MGAT2: variants seen among roughly 807,000 people sequenced by gnomAD.
MGAT2 encodes Beta-1,2-N-acetylglucosaminyltransferase II.
In MGAT2, 17 loss-of-function variants were observed where a neutral mutation model predicts 33.8. The ratio of observed to expected loss-of-function variants is 0.50; its 90% CI spans 0.34 to 0.76. The LOEUF is 0.76. MGAT2 is among the 30% of genes least tolerant of loss of function. The pLI, the probability that MGAT2 is intolerant of heterozygous loss-of-function variation, is 0.01. For missense variants in MGAT2, 529 were observed against 553.9 expected (o/e 0.96, Z 0.45); for synonymous variants, 248 against 226.7 (o/e 1.09, Z -0.84).
chr14:49,622,847 A>C lies in MGAT2; in HGVS notation c.*235A>C. 2.8e-6 allele frequency: 1 copy of C among 357,246 alleles called. No homozygotes were observed. The allele number at this position is 357,246 out of a possible 1,614,324, so 22.1% of individuals were successfully genotyped here. ...CTCAATCTGTTATCTGCTAAAATTG[A>C]TTATTGTTGATATGAGAGAAGAGGG... On this transcript the variant is annotated 3_prime_UTR_variant, in exon 1 of 1. Transcript: ENST00000305386.
In MGAT2 at chr14:49,621,384, C is replaced by T. The variant is rs989340728; in HGVS notation, c.116C>T (p.Pro39Leu). The change falls in exon 1 of 1, where the codon CCA becomes CTA. Residue 39 changes from proline to leucine, a missense_variant. Coordinates refer to ENST00000305386, the MANE Select transcript of MGAT2 (RefSeq NM_002408.4). The surrounding 1 kb of genome is among the most constrained non-coding windows in gnomAD (Gnocchi z 4.6). ...CAAAGGAAGAACGAGGCCCTCGCCC[C>T]ACCGTTGCTGGACGCCGAACCCGCG... ...GRQRKNEALA[P>L]PLLDAEPARG... is the part of the protein sequence containing the mutation. 6.2e-7 allele frequency: 1 copy of T among 1,610,986 alleles called. No individual in the cohort carries two copies. The highest frequency in any genetic ancestry group is 8.5e-7 in the Non-Finnish European group (1 of 1,178,734).
chr14:49,621,934 T>C lies in MGAT2; in HGVS notation c.666T>C (p.Tyr222=), dbSNP rs761328160. The part of the protein sequence containing the change: ...NAEYPDSFGH[Y]REAKFSQTKH... The stretch of plus-strand genomic sequence containing the variant: ...AGTATCCCGACTCCTTCGGCCATTA[T>C]AGAGAGGCCAAATTCTCCCAGACCA... Residue 222 remains tyrosine (Y), a synonymous_variant, in exon 1 of 1, where the codon TAT becomes TAC. Transcript: ENST00000305386. This position sits in a 1 kb window ranked among gnomAD's most constrained non-coding sequence, Gnocchi z 4.6. 2.4e-5 allele frequency: 39 copies of C among 1,614,068 alleles called. No homozygotes were observed. The highest frequency in any genetic ancestry group is 3.3e-5 in the Non-Finnish European group (39 of 1,180,044).
Position 49,622,531 on chromosome 14 carries a change from C to A in MGAT2, c.1263C>A (p.Ala421=). Residue 421 remains alanine, a synonymous_variant, in exon 1 of 1, where the codon GCC becomes GCA. Coordinates refer to ENST00000305386, the MANE Select transcript of MGAT2 (RefSeq NM_002408.4). The part of the protein sequence containing the change: ...LTISEKFTVV[A]ISPPRKNGGW... ...TCAGTGAAAAGTTTACTGTGGTAGC[C>A]ATTTCCCCACCTAGAAAAAATGGAG... The A allele has an allele frequency of 6.3e-7, 1 of 1,591,786 alleles. No individual in the cohort carries two copies. The highest frequency in any genetic ancestry group is 1.8e-5 in the Admixed American group (1 of 55,198).
chr14:49,620,845 C>T lies in MGAT2; in HGVS notation c.-424C>T, dbSNP rs1882820773. 2 of 636,602 alleles carry T rather than the reference C, an allele frequency of 3.1e-6. No homozygotes were observed. Among genetic ancestry groups the T allele is most frequent in the Non-Finnish European group, 5.6e-6 (2 of 355,020 alleles). 39.4% of individuals were successfully genotyped at this position (636,602 alleles called of 1,614,324 possible). A position where few individuals can be genotyped will look rare whatever the true frequency, so the allele number is the denominator to read the frequency against. ...GGTCCCCGCCGGAGTGAGGCGAGGC[C>T]GCGTCGCTCAGTTCTGGCCGTCTAG... is the stretch of plus-strand genomic sequence containing the variant. On this transcript the variant is annotated 5_prime_UTR_variant, in exon 1 of 1. Transcript: ENST00000305386.
chr14:49,621,733 C>G lies in MGAT2; in HGVS notation c.465C>G (p.Phe155Leu). The G allele has an allele frequency of 1.2e-6, 2 of 1,614,218 alleles. No homozygotes were observed. Residue 155 changes from phenylalanine to leucine, a missense_variant, in exon 1 of 1, where the codon TTC (phenylalanine) becomes TTG (leucine). Physicochemically the swap from Phe to Leu is conservative, Grantham distance 22. Coordinates refer to ENST00000305386, the MANE Select transcript of MGAT2 (RefSeq NM_002408.4). This position sits in a 1 kb window ranked among gnomAD's most constrained non-coding sequence, Gnocchi z 4.6. ...DNVLVIFSHD[F>L]WSTEINQLIA... Reference sequence around the variant, plus strand: ...TCCTCGTCATCTTTAGCCATGACTTCTGGTCGACCGAGATCAATCAGCTGA... The same window carrying G: ...TCCTCGTCATCTTTAGCCATGACTTGTGGTCGACCGAGATCAATCAGCTGA...
rs966912631 is a variant in MGAT2, at chr14:49,621,209, C to T, written c.-60C>T. 3.7e-6 allele frequency: 6 copies of T among 1,607,076 alleles called. No individual in the cohort carries two copies. The African/African-American group carries it at 5.4e-5, about 14-fold the overall frequency. On this transcript the variant is annotated 5_prime_UTR_variant, in exon 1 of 1. Coordinates refer to ENST00000305386, the MANE Select transcript of MGAT2 (RefSeq NM_002408.4). This position sits in a 1 kb window ranked among gnomAD's most constrained non-coding sequence, Gnocchi z 4.6. ...ACGGCCGCCGCCCGCCCGCCCCTTC[C>T]GTGCAGAAGCAGCTGCTCCTTTCCG...
At position 49,621,295 on chromosome 14, in the gene MGAT2, G is replaced by A. The variant is rs1037792227; in HGVS notation, c.27G>A (p.Lys9=). The stretch of plus-strand genomic sequence containing the variant: ...TGAGGTTCCGCATCTACAAACGGAA[G>A]GTGCTAATCCTGACGCTCGTGGTGG... MRFRIYKR[K]VLILTLVVAA... The change falls in exon 1 of 1, where the codon AAG becomes AAA. Residue 9 remains lysine, a synonymous_variant. Coordinates refer to ENST00000305386, the MANE Select transcript of MGAT2 (RefSeq NM_002408.4). This position sits in a 1 kb window ranked among gnomAD's most constrained non-coding sequence, Gnocchi z 4.6. The A allele has an allele frequency of 1.9e-6, 3 of 1,612,592 alleles. No individual in the cohort carries two copies. The highest frequency in any genetic ancestry group is 1.1e-5 in the South Asian group (1 of 91,084).
At position 49,623,365 on chromosome 14, in the gene MGAT2, T is replaced by C. The variant is rs960214333; in HGVS notation, c.*753T>C. On this transcript the variant is annotated 3_prime_UTR_variant, in exon 1 of 1. Coordinates refer to ENST00000305386, the MANE Select transcript of MGAT2 (RefSeq NM_002408.4). ...TGCAGAATAAGTTTTGTTTACTCTT[T>C]ATACCAAAATTCAGTGAAGGCATTC... 1.4e-4 allele frequency: 24 copies of C among 167,084 alleles called. No homozygotes were observed. The highest frequency in any genetic ancestry group is 5.8e-4 in the African/African-American group (24 of 41,478). The allele number at this position is 167,084 out of a possible 1,614,324, so 10.4% of individuals were successfully genotyped here. A position where few individuals can be genotyped will look rare whatever the true frequency, so the allele number is the denominator to read the frequency against.
Position 49,621,411 on chromosome 14 carries a change from G to C in MGAT2, c.143G>C (p.Arg48Pro). 6.2e-7 allele frequency: 1 copy of C among 1,608,284 alleles called. No individual in the cohort carries two copies. Among genetic ancestry groups the C allele is most frequent in the East Asian group, 2.2e-5 (1 of 44,730 alleles). ...APPLLDAEPARGAGGRGGDHP... is the reference protein window; with the variant it reads ...APPLLDAEPAPGAGGRGGDHP... ...CCGTTGCTGGACGCCGAACCCGCGC[G>C]GGGTGCCGGCGGCCGCGGTGGGGAC... Residue 48 changes from arginine (R) to proline (P), a missense_variant, in exon 1 of 1, where the codon CGG (arginine) becomes CCG (proline). Physicochemically the swap from Arg to Pro is moderately radical, Grantham distance 103. Around this residue, in one of 2 missense-constraint regions of MGAT2, gnomAD observed 501 missense variants for 501.1 expected, o/e 1.00. Transcript: ENST00000305386. The surrounding 1 kb of genome is among the most constrained non-coding windows in gnomAD (Gnocchi z 4.6).
rs570347177 is a variant in MGAT2, at chr14:49,622,670, T to C, written c.*58T>C. On this transcript the variant is annotated 3_prime_UTR_variant, in exon 1 of 1. Coordinates refer to ENST00000305386, the MANE Select transcript of MGAT2 (RefSeq NM_002408.4). ...TTTTGATATTTGTCCAAACAGGACATACAATTGAATAAAAGAGTTTAGGAA... is the reference window on the plus strand; with the variant it reads ...TTTTGATATTTGTCCAAACAGGACACACAATTGAATAAAAGAGTTTAGGAA... The C allele has an allele frequency of 6.6e-7, 1 of 1,525,268 alleles. No individual in the cohort carries two copies. Among genetic ancestry groups the C allele is most frequent in the Non-Finnish European group, 8.8e-7 (1 of 1,136,120 alleles). 94.5% of individuals were successfully genotyped at this position (1,525,268 alleles called of 1,614,324 possible).
rs759861152 is a variant in MGAT2 at position 49,621,279 on chromosome 14, G to A, written c.11G>A (p.Arg4His). 4.2e-5 allele frequency: 68 copies of A among 1,612,316 alleles called. 3 individuals are homozygous for A. In the South Asian group the frequency reaches 7.1e-4, roughly 17 times the overall value. Residue 4 changes from arginine to histidine, a missense_variant, in exon 1 of 1, where the codon CGC (arginine) becomes CAC (histidine). Physicochemically the swap from Arg to His is conservative, Grantham distance 29. Transcript: ENST00000305386. The surrounding 1 kb of genome is among the most constrained non-coding windows in gnomAD (Gnocchi z 4.6). ...CCGGCCCTGGAGACCATGAGGTTCC[G>A]CATCTACAAACGGAAGGTGCTAATC... is the stretch of plus-strand genomic sequence containing the variant. MRF[R>H]IYKRKVLILT...
In MGAT2 at chr14:49,621,374, G is replaced by A. The variant is rs1882842829; in HGVS notation, c.106G>A (p.Ala36Thr). 1.2e-6 allele frequency: 2 copies of A among 1,611,392 alleles called. No homozygotes were observed. Among genetic ancestry groups the A allele is most frequent in the African/African-American group, 1.3e-5 (1 of 74,998 alleles). ...SSNGRQRKNE[A>T]LAPPLLDAEP... ...CAATGGGCGACAAAGGAAGAACGAG[G>A]CCCTCGCCCCACCGTTGCTGGACGC... Residue 36 changes from alanine to threonine, a missense_variant, in exon 1 of 1, where the codon GCC becomes ACC. By Grantham distance (58) the Ala-to-Thr change is moderately conservative. Transcript: ENST00000305386. The surrounding 1 kb of genome is among the most constrained non-coding windows in gnomAD (Gnocchi z 4.6).
In MGAT2 at chr14:49,620,892, G is replaced by T; in HGVS notation, c.-377G>T. The T allele has an allele frequency of 4.3e-6, 3 of 699,144 alleles. No individual in the cohort carries two copies. Among genetic ancestry groups the T allele is most frequent in the Non-Finnish European group, 7.8e-6 (3 of 383,428 alleles). 43.3% of individuals were successfully genotyped at this position (699,144 alleles called of 1,614,324 possible). A position where few individuals can be genotyped will look rare whatever the true frequency, so the allele number is the denominator to read the frequency against. The stretch of plus-strand genomic sequence containing the variant: ...CTAGGGCCCCTGTAAGGATGAGAGC[G>T]CAGAGGACGCAGGGCCGCTGGAGGC... On this transcript the variant is annotated 5_prime_UTR_variant, in exon 1 of 1. Coordinates refer to ENST00000305386, the MANE Select transcript of MGAT2 (RefSeq NM_002408.4).
At position 49,623,282 on chromosome 14, in the gene MGAT2, C is replaced by G. The variant is rs200202235; in HGVS notation, c.*670C>G. The G allele has an allele frequency of 1.3e-5, 2 of 156,972 alleles. No homozygotes were observed. The highest frequency in any genetic ancestry group is 4.2e-4 in the East Asian group (2 of 4,712). 9.7% of individuals were successfully genotyped at this position (156,972 alleles called of 1,614,324 possible). On this transcript the variant is annotated 3_prime_UTR_variant, in exon 1 of 1. Transcript: ENST00000305386. Reference sequence around the variant, plus strand: ...ATACAGTGGTTTTGTTTTTTTTTTTCTTTTAGTGCTGACAAAATAAAATAC... The same window carrying G: ...ATACAGTGGTTTTGTTTTTTTTTTTGTTTTAGTGCTGACAAAATAAAATAC...
In MGAT2 at chr14:49,621,544, G is replaced by C; in HGVS notation, c.276G>C (p.Arg92=). The C allele has an allele frequency of 1.9e-6, 3 of 1,613,646 alleles. No homozygotes were observed. The highest frequency in any genetic ancestry group is 2.5e-6 in the Non-Finnish European group (3 of 1,179,938). ...CGGACAACCTGACGCTGCGGTACCGGTCCCTGGTGTACCAGCTGAACTTTG... is the reference window on the plus strand; with the variant it reads ...CGGACAACCTGACGCTGCGGTACCGCTCCCTGGTGTACCAGCTGAACTTTG... ...PEADNLTLRY[R]SLVYQLNFDQ... Residue 92 remains arginine (R), a synonymous_variant, in exon 1 of 1, where the codon CGG becomes CGC. Transcript: ENST00000305386. This position sits in a 1 kb window ranked among gnomAD's most constrained non-coding sequence, Gnocchi z 4.6.
chr14:49,622,058 T>G lies in MGAT2; in HGVS notation c.790T>G (p.Leu264Val). The G allele has an allele frequency of 2.5e-6, 4 of 1,614,210 alleles. No homozygotes were observed. The South Asian group carries it at 4.4e-5, about 18-fold the overall frequency. Residue 264 changes from leucine (L) to valine (V), a missense_variant, in exon 1 of 1, where the codon TTA (leucine) becomes GTA (valine). By Grantham distance (32) the Leu-to-Val change is conservative. Coordinates refer to ENST00000305386, the MANE Select transcript of MGAT2 (RefSeq NM_002408.4). ...ACTTTTCCTAGAAGAGGATCACTACTTAGCCCCAGACTTTTACCATGTCTT... is the reference window on the plus strand; with the variant it reads ...ACTTTTCCTAGAAGAGGATCACTACGTAGCCCCAGACTTTTACCATGTCTT... The part of the protein sequence containing the change: ...LILFLEEDHY[L>V]APDFYHVFKK...
rs764726477 is a variant in MGAT2, at chr14:49,622,470, A to G, written c.1202A>G (p.Asn401Ser). The G allele has an allele frequency of 9.3e-6, 15 of 1,611,752 alleles. No homozygotes were observed. The African/African-American group carries it at 1.9e-4, about 20-fold the overall frequency. Residue 401 changes from asparagine to serine, a missense_variant, in exon 1 of 1, where the codon AAT becomes AGT. Asn to Ser is a conservative substitution (Grantham distance 46). Around this residue, in one of 2 missense-constraint regions of MGAT2, gnomAD observed 501 missense variants for 501.1 expected, o/e 1.00. Coordinates refer to ENST00000305386, the MANE Select transcript of MGAT2 (RefSeq NM_002408.4). Reference protein sequence around the residue: ...QSAQIESLLNNNKQYMFPETL... With the variant: ...QSAQIESLLNSNKQYMFPETL... ...GCCCAAATTGAGTCACTCTTAAATAATAACAAACAATACATGTTTCCAGAA... is the reference window on the plus strand; with the variant it reads ...GCCCAAATTGAGTCACTCTTAAATAGTAACAAACAATACATGTTTCCAGAA...
rs1426987927 is a variant in MGAT2 at position 49,621,517 on chromosome 14, G to A, written c.249G>A (p.Glu83=). 8 of 1,612,416 alleles carry A rather than the reference G, an allele frequency of 5.0e-6. No homozygotes were observed. The highest frequency in any genetic ancestry group is 6.8e-6 in the Non-Finnish European group (8 of 1,179,246). The part of the protein sequence containing the change: ...ASLVPAVPQP[E]ADNLTLRYRS... ...TGGTCCCGGCGGTCCCCCAGCCCGA[G>A]GCGGACAACCTGACGCTGCGGTACC... Residue 83 remains glutamate (E), a synonymous_variant, in exon 1 of 1, where the codon GAG becomes GAA. Transcript: ENST00000305386. This position sits in a 1 kb window ranked among gnomAD's most constrained non-coding sequence, Gnocchi z 4.6.
At position 49,621,956 on chromosome 14, in the gene MGAT2, A is replaced by C. The variant is rs1555327096; in HGVS notation, c.688A>C (p.Thr230Pro). 1 of 1,614,202 alleles carries C rather than the reference A, an allele frequency of 6.2e-7. No individual in the cohort carries two copies. The highest frequency in any genetic ancestry group is 8.5e-7 in the Non-Finnish European group (1 of 1,180,036). Residue 230 changes from threonine (T) to proline (P), a missense_variant, in exon 1 of 1, where the codon ACC becomes CCC. Coordinates refer to ENST00000305386, the MANE Select transcript of MGAT2 (RefSeq NM_002408.4). The surrounding 1 kb of genome is among the most constrained non-coding windows in gnomAD (Gnocchi z 4.6). ...GHYREAKFSQ[T>P]KHHWWWKLHF... ...TTATAGAGAGGCCAAATTCTCCCAG[A>C]CCAAACATCACTGGTGGTGGAAGCT...
Sources: allele counts gnomAD v4.1 joint callset, GRCh38; gene constraint gnomAD v4.1.1; regional missense constraint gnomAD v4.1.1; non-coding constraint Gnocchi (gnomAD v3.1); transcripts MANE v1.5; gene names NCBI Gene and HGNC (gene_info 2026-07-23, HGNC 2026-07-21).